CCNH: variants seen among roughly 807,000 people sequenced by gnomAD.
CCNH encodes cyclin H.
CCNH carries 31 observed loss-of-function variants against 41.9 expected under a neutral mutation model. The ratio of observed to expected loss-of-function variants is 0.74; its 90% confidence interval spans 0.56 to 1.00. CCNH has a LOEUF of 1.00. CCNH is among the 50% of genes least tolerant of loss of function. The probability of loss-of-function intolerance (pLI) is 0.00; values close to 1 mark genes in which losing one functional copy is unlikely to be tolerated. For missense variants in CCNH, 362 were observed against 388.4 expected (o/e 0.93, Z 0.57); for synonymous variants, 138 against 136.1 (o/e 1.01, Z -0.10).
In CCNH at chr5:87,357,729, T is replaced by C. The variant is rs185083475; in HGVS notation, c.*90+35041A>G. On this transcript the variant is annotated intron_variant and NMD_transcript_variant, in intron 9 of 9. Coordinates refer to the CCNH transcript ENST00000645953. ...CAAAAAAAAAGAAAAACAAATAGTATGTGGCATCTAATAAACTTGCAGTAT... is the reference window on the plus strand; with the variant it reads ...CAAAAAAAAAGAAAAACAAATAGTACGTGGCATCTAATAAACTTGCAGTAT... Among the ~76,000 whole-genome samples the C allele has an allele frequency of 2.6e-5, 4 of 152,204 alleles. No homozygotes were observed. In the East Asian group the frequency reaches 5.8e-4, roughly 22 times the overall value.
chr5:87,319,879 G>A (rs1756654781), intron 9 of CCNH, among the ~76,000 whole-genome samples: 4 of 152,156 alleles, frequency 2.6e-5, no homozygotes, highest in Admixed American at 1.3e-4. Context: ...AAACTTTTAT[G>A]TTCTGCTTCC....
chr5:87,319,636 A>G (rs896301234), intron 9 of CCNH, among the ~76,000 whole-genome samples: 4 of 152,202 alleles, frequency 2.6e-5, no homozygotes, highest in Non-Finnish European at 5.9e-5. Context: ...TGCAGTTAGC[A>G]GCAGGGCTCT....
chr5:87,380,421 T>A (rs1448319187), upstream of CCNH: 4 of 1,153,526 alleles, frequency 3.5e-6, no homozygotes, highest in Non-Finnish European at 5.2e-6. Flanking sequence ...TGAACTGTGG[T>A]ATATTTGGGT....
chr5:87,409,208 C>A (rs1022177563), intron 3 of CCNH, 82 bp downstream of exon 3: 9 of 728,218 alleles, frequency 1.2e-5, no homozygotes, highest in Non-Finnish European at 2.0e-5. Context: ...CTCTCTCTCA[C>A]AATTCTCTCC....
At chr5:87,391,447 C>G, downstream of CCNH, 1 of 242,330 alleles carries the variant, frequency 4.1e-6, no homozygotes, top group South Asian at 1.5e-4. Context: ...AAATACTCTG[C>G]TATTTCTCTT....
exon 1 of CCNH, chr5:87,376,271 A>T (rs769388968): frequency 9.7e-5 from 112 of 1,158,610 alleles, no homozygotes; most frequent in Middle Eastern, 2.7e-4. Context: ...GATGTTACTG[A>T]AAACTCCTTT....
chr5:87,349,081 T>TAAA, intron 9 of CCNH: 1 of 1,030,118 alleles, frequency 9.7e-7, no homozygotes, highest in Non-Finnish European at 1.4e-6. Flanking sequence ...GAAATTATCT[T>TAAA]AAAAAAAAAA....
chr5:87,411,670 CTT>C (rs1764253943), intron 1 of CCNH, among the ~76,000 whole-genome samples: 1 of 151,846 alleles, frequency 6.6e-6, no homozygotes, highest in South Asian at 2.1e-4. Flanking sequence ...AGTAGACAGA[CTT>C]TTTAAAATAT....
intron 9 of CCNH, chr5:87,353,070 A>G (rs1580334467): frequency 9.6e-7 from 1 of 1,045,182 alleles, no homozygotes; most frequent in East Asian, 2.5e-5. Flanking sequence ...CTAATTAGAT[A>G]ATCCTTGGCA....
intron 4 of CCNH, 25 bp from the exon 5 acceptor site, chr5:87,405,032 AC>A: frequency 6.3e-7 from 1 of 1,581,192 alleles, no homozygotes; most frequent in Non-Finnish European, 8.6e-7. Flanking sequence ...TGCAAATGTT[AC>A]CATTTCTGAG....
rs1232583853 is a variant in CCNH, at chr5:87,338,536, A to ATTTTTTTTTTT, written c.*91-19650_*91-19640dup. Among the ~76,000 whole-genome samples the ATTTTTTTTTTT allele has an allele frequency of 3.8e-4, 32 of 85,208 alleles. 1 individual carries two copies. Among genetic ancestry groups the ATTTTTTTTTTT allele is most frequent in the African/African-American group, 1.3e-3 (29 of 22,612 alleles). The allele number at this position is 85,208 out of a possible 152,430, so 55.9% of individuals were successfully genotyped here. ...ATATATATATATATATATATATAAA[A>ATTTTTTTTTTT]TTTTTTTTTTTTTTAAGTAGAAATG... On this transcript the variant is annotated intron_variant and NMD_transcript_variant, in intron 9 of 9. Transcript: ENST00000645953.
chr5:87,380,824 G>C (rs924647476), upstream of CCNH, among the ~76,000 whole-genome samples: 1 of 152,032 alleles, frequency 6.6e-6, no homozygotes, highest in Non-Finnish European at 1.5e-5. Context: ...CAAGTATTGG[G>C]GATTTTTAAA....
intron 5 of CCNH, 82 bp downstream of exon 5, chr5:87,404,762 T>G: frequency 9.0e-7 from 1 of 1,116,372 alleles, no homozygotes; most frequent in Non-Finnish European, 1.2e-6. Context: ...CAAAGAATAT[T>G]AAAGATTACA....
intron 9 of CCNH, among the ~76,000 whole-genome samples, chr5:87,340,282 C>A (rs1451490010): frequency 6.6e-6 from 1 of 152,040 alleles, no homozygotes; most frequent in Non-Finnish European, 1.5e-5. Context: ...AAAATTGTTT[C>A]CTTCTGTATT....
chr5:87,331,489 C>T, intron 9 of CCNH: 2 of 1,613,732 alleles, frequency 1.2e-6, no homozygotes, highest in Non-Finnish European at 1.7e-6. Flanking sequence ...TGAATGTTGT[C>T]AACCATTTTA....
intron 9 of CCNH, among the ~76,000 whole-genome samples, chr5:87,336,182 A>G (rs945194465): frequency 3.3e-5 from 5 of 152,176 alleles, no homozygotes; most frequent in African/African-American, 1.2e-4. Context: ...TAAAACAGTG[A>G]TATTCTCACT....
chr5:87,399,576 C>T, intron 6 of CCNH, 71 bp from the exon 7 acceptor site: 1 of 963,786 alleles, frequency 1.0e-6, no homozygotes, highest in Non-Finnish European at 1.7e-6. Flanking sequence ...GAGCTGGTTA[C>T]TTTTCCATTT....
chr5:87,353,229 A>C, intron 9 of CCNH: 1 of 1,601,914 alleles, frequency 6.2e-7, no homozygotes, highest in South Asian at 1.1e-5. Context: ...AACCTGTACC[A>C]ATGCAGGTCA....
chr5:87,374,459 A>ATTTTTTTTTTTT (rs770426797), downstream of CCNH: 1 of 164,164 alleles, frequency 6.1e-6, no homozygotes, highest in Admixed American at 7.3e-5. Flanking sequence ...ATATATATAT[A>ATTTTTTTTTTTT]TTTTTTTTTT....
Sources: allele counts gnomAD v4.1 joint callset (sites outside exome capture counted in the v4.1 genomes callset), GRCh38; gene constraint gnomAD v4.1.1; transcripts MANE v1.5; gene names NCBI Gene and HGNC (gene_info 2026-07-23, HGNC 2026-07-21).